Variants in ACYP2 observed in about 807,000 individuals in gnomAD.
ACYP2 encodes acylphosphatase-2.
ACYP2 carries 12 observed loss-of-function variants against 11.2 expected under a neutral mutation model. That is an observed-to-expected ratio of 1.08 (90% CI 0.69 to 1.74). The LOEUF is 1.74. ACYP2 is among the 40% of genes most tolerant of loss of function. The probability of loss-of-function intolerance (pLI) is 0.00; values close to 1 mark genes in which losing one functional copy is unlikely to be tolerated. For missense variants in ACYP2, 134 were observed against 101.9 expected (o/e 1.31, Z -1.35); for synonymous variants, 43 against 32.2 (o/e 1.33, Z -1.13).
chr2:53,989,277 CTT>C (rs775237196), intron 2 of ACYP2, among the ~76,000 whole-genome samples: 1 of 94,802 alleles, frequency 1.1e-5, no homozygotes, highest in Admixed American at 1.2e-4. Flanking sequence ...GTAGACAATT[CTT>C]TTTTTTTTTT....
rs544577375 is a variant in ACYP2 at position 54,008,711 on chromosome 2, C to T, written c.62+34901C>T. 1.7e-4 allele frequency among the ~76,000 whole-genome samples: 26 copies of T among 152,232 alleles called. No homozygotes were observed. The South Asian group carries it at 5.0e-3, about 29-fold the overall frequency. On this transcript the variant is annotated intron_variant, in intron 2 of 6. Coordinates refer to ENST00000607452, the MANE Select transcript of ACYP2 (RefSeq NM_001320586.2). ...AAATATGGGGTTTTGCCATGTTGCCCAGGCTGATCTTGTGAACTCCTGTGT... is the reference window on the plus strand; with the variant it reads ...AAATATGGGGTTTTGCCATGTTGCCTAGGCTGATCTTGTGAACTCCTGTGT...
chr2:53,995,543 G>A (rs1462712665), intron 2 of ACYP2, among the ~76,000 whole-genome samples: 1 of 142,112 alleles, frequency 7.0e-6, no homozygotes, highest in African/African-American at 2.6e-5. Context: ...TCTTTCTGTT[G>A]CCCAGGCTGG....
At chr2:54,218,037 A>G (rs1005667713) in intron 6 of ACYP2, among the ~76,000 whole-genome samples, 10 of 152,098 alleles carry the variant, frequency 6.6e-5, no homozygotes, top group African/African-American at 2.4e-4. Context: ...GTCCCCTAAT[A>G]ATGCAAACTC....
chr2:54,007,289 C>T (rs1285959720), intron 2 of ACYP2, among the ~76,000 whole-genome samples: 1 of 136,466 alleles, frequency 7.3e-6, no homozygotes, highest in Non-Finnish European at 1.5e-5. Context: ...GAGTCTCGCT[C>T]TGTCACCAGA....
chr2:54,055,787 G>A (rs1293151994), intron 3 of ACYP2, among the ~76,000 whole-genome samples: 2 of 152,178 alleles, frequency 1.3e-5, no homozygotes, highest in Non-Finnish European at 2.9e-5. Flanking sequence ...GCATCTAAGT[G>A]TTCAGTTATG....
intron 6 of ACYP2, among the ~76,000 whole-genome samples, chr2:54,155,166 A>G (rs1383823930): frequency 1.3e-5 from 2 of 151,642 alleles, no homozygotes; most frequent in African/African-American, 4.8e-5. Flanking sequence ...CATTTTATTT[A>G]TTTGAATCTT....
intron 2 of ACYP2, among the ~76,000 whole-genome samples, chr2:54,035,201 A>G (rs1467034943): frequency 3.4e-5 from 5 of 146,970 alleles, no homozygotes; most frequent in African/African-American, 1.2e-4. Context: ...GAGCAAAGGT[A>G]TTCACTTCTC....
intron 4 of ACYP2, among the ~76,000 whole-genome samples, chr2:54,125,559 G>T (rs1280320848): frequency 6.6e-6 from 1 of 151,482 alleles, no homozygotes; most frequent in African/African-American, 2.4e-5. Flanking sequence ...AGACCAGCCT[G>T]GCCAACATGG....
intron 4 of ACYP2, among the ~76,000 whole-genome samples, chr2:54,083,813 C>A (rs746195884): frequency 2.0e-5 from 3 of 152,078 alleles, no homozygotes; most frequent in Non-Finnish European, 2.9e-5. Flanking sequence ...TGGCCAAATC[C>A]CATAAAATTG....
chr2:54,112,454 A>C (rs1350370510), intron 4 of ACYP2, among the ~76,000 whole-genome samples: 1 of 152,256 alleles, frequency 6.6e-6, no homozygotes, highest in Admixed American at 6.5e-5. Context: ...TTGGCAATAT[A>C]TATCAAGAAC....
intron 6 of ACYP2, chr2:54,256,218 A>T (rs1050825934): frequency 1.3e-6 from 2 of 1,522,502 alleles, no homozygotes; most frequent in African/African-American, 2.8e-5. Flanking sequence ...AACGTTCCTC[A>T]CACAAAATGG....
chr2:54,275,124 T>A (rs77999713), intron 6 of ACYP2, among the ~76,000 whole-genome samples: 5,279 of 152,290 alleles, frequency 0.035, 304 homozygotes, highest in African/African-American at 0.12. Context: ...AATGCACCAA[T>A]AAATTTATTT....
At chr2:54,145,110 G>A (rs985361712) in intron 6 of ACYP2, among the ~76,000 whole-genome samples, 1 of 152,012 alleles carries the variant, frequency 6.6e-6, no homozygotes. Context: ...AACTAATACT[G>A]TAACTAATGG....
intron 4 of ACYP2, among the ~76,000 whole-genome samples, chr2:54,133,065 A>T (rs868195108): frequency 6.6e-6 from 1 of 152,188 alleles, no homozygotes; most frequent in South Asian, 2.1e-4. Context: ...TAACAAATGC[A>T]TACAGTCATG....
At chr2:53,995,819 G>A (rs746585638) in intron 2 of ACYP2, among the ~76,000 whole-genome samples, 3 of 151,910 alleles carry the variant, frequency 2.0e-5, no homozygotes, top group East Asian at 1.9e-4. Flanking sequence ...TTTCCAAAGC[G>A]TTTTTATATT....
chr2:54,165,531 TCTCTCA>T (rs1487862614), intron 6 of ACYP2, among the ~76,000 whole-genome samples: 1,724 of 119,558 alleles, frequency 0.014, 31 homozygotes, highest in African/African-American at 0.044. Context: ...TCTCTCTCTC[TCTCTCA>T]CACACACACA....
intron 4 of ACYP2, among the ~76,000 whole-genome samples, chr2:54,132,635 G>C: frequency 6.6e-6 from 1 of 151,988 alleles, no homozygotes; most frequent in Non-Finnish European, 1.5e-5. Context: ...TTTGGAGATT[G>C]ATCCATCCGC....
chr2:54,035,818 C>T (rs1674869772), intron 2 of ACYP2, among the ~76,000 whole-genome samples: 1 of 152,110 alleles, frequency 6.6e-6, no homozygotes, highest in Non-Finnish European at 1.5e-5. Context: ...GGAGAAGTAC[C>T]TTCTAAGGAC....
At chr2:54,141,990 T>TGTGA in intron 6 of ACYP2, 1 of 452,710 alleles carries the variant, frequency 2.2e-6, no homozygotes, top group South Asian at 5.5e-5. Flanking sequence ...AATTTGTGTG[T>TGTGA]GTGTGTGTGT....
Sources: gnomAD v4.1 joint callset for allele counts (sites outside exome capture counted in the v4.1 genomes callset) on GRCh38, gnomAD v4.1.1 for gene constraint, MANE v1.5 for transcripts, NCBI Gene and HGNC (gene_info 2026-07-23, HGNC 2026-07-21) for gene names.